Variants in PIK3C2G observed in about 807,000 individuals in gnomAD.
PIK3C2G encodes phosphatidylinositol 3-kinase C2 domain-containing subunit gamma.
A neutral mutation model predicts 181.1 loss-of-function variants in PIK3C2G; 168 were observed. That is an observed-to-expected ratio of 0.93 (90% confidence interval 0.82 to 1.05). PIK3C2G has a LOEUF of 1.05. Ranked by LOEUF, PIK3C2G falls within the 50% of genes least tolerant of loss-of-function variation. PIK3C2G has a pLI of 0.00. For missense variants in PIK3C2G, 1,869 were observed against 1,732.8 expected, an observed-to-expected ratio of 1.08 and a Z score of -1.40; for synonymous variants, 573 against 592.2, an observed-to-expected ratio of 0.97 and a Z score of 0.47.
At chr12:18,407,311 T>C (rs1944592781) in intron 16 of PIK3C2G, among the ~76,000 whole-genome samples, 1 of 152,108 alleles carries the variant, frequency 6.6e-6, no homozygotes, top group East Asian at 1.9e-4. Context: ...AGCATCTTAA[T>C]AATATTTTAT....
At chr12:18,470,666 G>A (rs967656952) in intron 18 of PIK3C2G, among the ~76,000 whole-genome samples, 1 of 152,106 alleles carries the variant, frequency 6.6e-6, no homozygotes. Flanking sequence ...TTGCCACCTC[G>A]TCTCTCAGCT....
At chr12:18,430,857 T>C (rs1201535878) in intron 18 of PIK3C2G, among the ~76,000 whole-genome samples, 1 of 152,168 alleles carries the variant, frequency 6.6e-6, no homozygotes, top group Non-Finnish European at 1.5e-5. Flanking sequence ...ATTAAGCCAA[T>C]GTTGTCTCTG....
the PIK3C2G span, among the ~76,000 whole-genome samples, chr12:18,702,882 A>T: frequency 0.47 from 68,021 of 144,766 alleles, 17,665 homozygotes; most frequent in South Asian, 0.61. Context: ...GTGCAGTGAC[A>T]TGATCTCAGC....
intron 26 of PIK3C2G, among the ~76,000 whole-genome samples, chr12:18,556,374 A>G (rs1349805759): frequency 6.6e-6 from 1 of 152,124 alleles, no homozygotes; most frequent in Non-Finnish European, 1.5e-5. Flanking sequence ...GAGATAGGAG[A>G]TGGATTTGAG....
chr12:18,365,668 A>G (rs1029189879), intron 12 of PIK3C2G, among the ~76,000 whole-genome samples: 1 of 152,046 alleles, frequency 6.6e-6, no homozygotes, highest in Non-Finnish European at 1.5e-5. Context: ...TCTCTGTTGT[A>G]TATGTCATTA....
chr12:18,480,956 C>T (rs553308813), intron 18 of PIK3C2G, among the ~76,000 whole-genome samples: 12 of 151,842 alleles, frequency 7.9e-5, no homozygotes, highest in South Asian at 2.1e-4. Flanking sequence ...TTTTTTGAGA[C>T]GGAGTCTCAC....
chr12:18,250,759 G>A (rs927420909), intron 1 of PIK3C2G, among the ~76,000 whole-genome samples: 1 of 151,924 alleles, frequency 6.6e-6, no homozygotes, highest in South Asian at 2.1e-4. Flanking sequence ...AATATTAAGG[G>A]ATATGTTAGA....
chr12:18,695,086 G>T, the PIK3C2G span: 2,181 of 1,611,190 alleles, frequency 1.4e-3, 28 homozygotes, highest in African/African-American at 0.026. Context: ...GCCACTGTAA[G>T]AAAGAAGTAT....
At chr12:18,515,786 A>G (rs1278308892) in intron 24 of PIK3C2G, among the ~76,000 whole-genome samples, 1 of 151,794 alleles carries the variant, frequency 6.6e-6, no homozygotes, top group Non-Finnish European at 1.5e-5. Flanking sequence ...TTCTAGTTCC[A>G]TGAGGTATAA....
chr12:18,451,191 AT>A (rs1947331508), intron 18 of PIK3C2G, among the ~76,000 whole-genome samples: 1 of 151,934 alleles, frequency 6.6e-6, no homozygotes, highest in South Asian at 2.1e-4. Context: ...CACGATATTG[AT>A]TTTTCCTATC....
chr12:18,713,336 T>C, the PIK3C2G span, among the ~76,000 whole-genome samples: 1,160 of 152,296 alleles, frequency 7.6e-3, 8 homozygotes, highest in Non-Finnish European at 0.013. Context: ...ATTTTACTTA[T>C]GGTGGCATTT....
downstream of PIK3C2G, among the ~76,000 whole-genome samples, chr12:18,650,064 C>T (rs1381093111): frequency 6.6e-6 from 1 of 151,964 alleles, no homozygotes; most frequent in Non-Finnish European, 1.5e-5. Context: ...AACTCCAGCC[C>T]AGAATACCTC....
Position 18,401,726 on chromosome 12 carries a change from G to A in PIK3C2G, c.2315+1879G>A, listed in dbSNP as rs528812024. On this transcript the variant is annotated intron_variant, in intron 16 of 32. Transcript: ENST00000538779. The stretch of plus-strand genomic sequence containing the variant: ...GGCTCTGCATGGGCATTTCTCCAAA[G>A]AAAATACACAAATGCCGAACATTTA... 1.5e-3 allele frequency among the ~76,000 whole-genome samples: 225 copies of A among 152,142 alleles called. 1 individual carries two copies. The highest frequency in any genetic ancestry group is 5.2e-3 in the African/African-American group (218 of 41,536).
the PIK3C2G span, among the ~76,000 whole-genome samples, chr12:18,663,004 T>C: frequency 2.9e-4 from 44 of 152,210 alleles, no homozygotes; most frequent in African/African-American, 1.0e-3. Context: ...AGTGCCTCCA[T>C]ATCAGAAATT....
intron 1 of PIK3C2G, 91 bp from the exon 2 acceptor site, chr12:18,281,913 C>A: frequency 1.8e-6 from 1 of 551,914 alleles, no homozygotes; most frequent in South Asian, 2.9e-5. Context: ...GCCCACAAAA[C>A]AGTTAGTTAT....
At chr12:18,315,297 C>T (rs1251343234) in intron 6 of PIK3C2G, among the ~76,000 whole-genome samples, 1 of 151,844 alleles carries the variant, frequency 6.6e-6, no homozygotes, top group Non-Finnish European at 1.5e-5. Context: ...TTGACAGCTC[C>T]AAGGCTATAC....
At chr12:18,582,941 C>T (rs1946578432) in intron 29 of PIK3C2G, among the ~76,000 whole-genome samples, 1 of 152,120 alleles carries the variant, frequency 6.6e-6, no homozygotes, top group Admixed American at 6.5e-5. Context: ...ATGAAGCTCC[C>T]ACAGAGAGGG....
intron 16 of PIK3C2G, among the ~76,000 whole-genome samples, chr12:18,401,284 G>A (rs1018379436): frequency 1.3e-5 from 2 of 151,982 alleles, no homozygotes; most frequent in African/African-American, 4.8e-5. Context: ...ACATGACTTT[G>A]TGCAGTTGCA....
rs774205366 is a variant in PIK3C2G at position 18,538,257 on chromosome 12, G to A, written c.3425G>A (p.Arg1142His). Residue 1142 changes from arginine (R) to histidine (H), a missense_variant, in exon 25 of 33, where the codon CGT (arginine) becomes CAT (histidine). Physicochemically the swap from Arg to His is conservative, Grantham distance 29. Transcript: ENST00000538779. ...HFQDFVELCC[R>H]AYNIIRKHSQ... Reference sequence around the variant, plus strand: ...CAAGATTTTGTGGAACTTTGCTGTCGTGCTTATAATATTATCAGAAAGCAC... The same window carrying A: ...CAAGATTTTGTGGAACTTTGCTGTCATGCTTATAATATTATCAGAAAGCAC... 2.9e-5 allele frequency: 47 copies of A among 1,611,918 alleles called. No homozygotes were observed. Among genetic ancestry groups the A allele is most frequent in the Non-Finnish European group, 3.5e-5 (41 of 1,178,908 alleles).
Sources: gnomAD v4.1 joint callset for allele counts (sites outside exome capture counted in the v4.1 genomes callset) on GRCh38, gnomAD v4.1.1 for gene constraint, MANE v1.5 for transcripts, NCBI Gene and HGNC (gene_info 2026-07-23, HGNC 2026-07-21) for gene names.